NIPAL2: variants seen among roughly 807,000 people sequenced by gnomAD.
NIPAL2 encodes the protein NIPA-like protein 2.
A neutral mutation model predicts 48.9 loss-of-function variants in NIPAL2; 43 were observed. That is an observed-to-expected ratio of 0.88 (90% confidence interval 0.69 to 1.13). The LOEUF (loss-of-function observed/expected upper bound fraction) is 1.13, where lower values mean the gene tolerates loss of function less well. NIPAL2 is among the 50% of genes most tolerant of loss of function. The pLI, the probability that NIPAL2 is intolerant of heterozygous loss-of-function variation, is 0.00. For missense variants in NIPAL2, 446 were observed against 461.4 expected (o/e 0.97, Z 0.31); for synonymous variants, 167 against 174.6 (o/e 0.96, Z 0.34).
rs1474776281 is a variant in NIPAL2 at position 98,263,486 on chromosome 8, G to A, written c.136-9399C>T. Among the ~76,000 whole-genome samples the A allele has an allele frequency of 2.7e-5, 4 of 150,646 alleles. No homozygotes were observed. The East Asian group carries it at 5.8e-4, about 22-fold the overall frequency. On this transcript the variant is annotated intron_variant, in intron 1 of 10. Transcript: ENST00000430223. ...CACAGAAATACAAACTACCATCAGA[G>A]AATACTACAAACACCTCTATGCAAA...
At chr8:98,270,226 G>A (rs923660961) in intron 1 of NIPAL2, among the ~76,000 whole-genome samples, 14 of 152,190 alleles carry the variant, frequency 9.2e-5, no homozygotes, top group African/African-American at 3.1e-4. Flanking sequence ...GGGTGAAATG[G>A]TAGTTCTAGT....
chr8:98,284,652 C>T (rs1003209843), intron 1 of NIPAL2, among the ~76,000 whole-genome samples: 3 of 151,932 alleles, frequency 2.0e-5, no homozygotes, highest in Non-Finnish European at 4.4e-5. Flanking sequence ...TGCAGACAGC[C>T]CCAAAACAGC....
chr8:98,289,388 A>T (rs2130921653), intron 1 of NIPAL2, among the ~76,000 whole-genome samples: 1 of 152,272 alleles, frequency 6.6e-6, no homozygotes, highest in South Asian at 2.1e-4. Flanking sequence ...CACATATACA[A>T]GTATATTAAA....
chr8:98,286,807 T>A, intron 1 of NIPAL2, among the ~76,000 whole-genome samples: 1 of 127,476 alleles, frequency 7.8e-6, no homozygotes, highest in Admixed American at 8.1e-5. Context: ...AGAGTGAGAC[T>A]CTGTCAAAAA....
At chr8:98,259,070 C>CTTT (rs869220202) in intron 1 of NIPAL2, among the ~76,000 whole-genome samples, 34 of 41,854 alleles carry the variant, frequency 8.1e-4, no homozygotes, top group African/African-American at 2.4e-3. Flanking sequence ...TTAAATATTC[C>CTTT]TTTTTTTTTT....
intron 3 of NIPAL2, among the ~76,000 whole-genome samples, chr8:98,247,382 G>T (rs1308955200): frequency 6.6e-6 from 1 of 152,218 alleles, no homozygotes; most frequent in Non-Finnish European, 1.5e-5. Flanking sequence ...TCAGTTAAAT[G>T]GTGAGGAAGG....
rs190877091 is a variant in NIPAL2 at position 98,201,160 on chromosome 8, G to T, written c.880+1948C>A. Among the ~76,000 whole-genome samples the T allele has an allele frequency of 2.3e-3, 357 of 152,258 alleles. 3 individuals are homozygous for T. The highest frequency in any genetic ancestry group is 8.0e-3 in the African/African-American group (333 of 41,558). Reference sequence around the variant, plus strand: ...ACAAACAAAACTTGACTAATTAGTAGGCAAAATACGGTCTCATCTTAATTG... The same window carrying T: ...ACAAACAAAACTTGACTAATTAGTATGCAAAATACGGTCTCATCTTAATTG... On this transcript the variant is annotated intron_variant, in intron 8 of 10. Coordinates refer to ENST00000430223, the MANE Select transcript of NIPAL2 (RefSeq NM_001321635.2).
chr8:98,192,941 T>G lies in NIPAL2; in HGVS notation c.*37A>C. ...CATGTGCAATTTTTTAAAAAGGTGG[T>G]ATCGAATAACAGGCCAACAGCCATC... On this transcript the variant is annotated 3_prime_UTR_variant, in exon 11 of 11. Transcript: ENST00000430223. 1 of 1,286,374 alleles carries G rather than the reference T, an allele frequency of 7.8e-7. No homozygotes were observed. The highest frequency in any genetic ancestry group is 1.1e-6 in the Non-Finnish European group (1 of 884,090). 79.7% of individuals were successfully genotyped at this position (1,286,374 alleles called of 1,614,324 possible).
intron 1 of NIPAL2, among the ~76,000 whole-genome samples, chr8:98,288,770 A>G (rs557392350): frequency 6.6e-6 from 1 of 152,342 alleles, no homozygotes; most frequent in East Asian, 1.9e-4. Context: ...GTGGTATTAC[A>G]TAGACAACTG....
intron 3 of NIPAL2, among the ~76,000 whole-genome samples, chr8:98,240,439 C>G (rs1258093770): frequency 6.6e-6 from 1 of 152,176 alleles, no homozygotes; most frequent in Non-Finnish European, 1.5e-5. Context: ...CCAGCCAAAA[C>G]TCACTGCCCA....
At position 98,229,580 on chromosome 8, in the gene NIPAL2, G is replaced by A. The variant is rs189854121; in HGVS notation, c.436+6575C>T. Among the ~76,000 whole-genome samples, 417 of 152,230 alleles carry A rather than the reference G, an allele frequency of 2.7e-3. 4 individuals are homozygous for A. Among genetic ancestry groups the A allele is most frequent in the African/African-American group, 9.4e-3 (391 of 41,534 alleles). ...TTTTGCAGAGATAGGGTCTGGCCATGTTGTCCAGGCTGGTCTCGAACTCCT... is the reference window on the plus strand; with the variant it reads ...TTTTGCAGAGATAGGGTCTGGCCATATTGTCCAGGCTGGTCTCGAACTCCT... On this transcript the variant is annotated intron_variant, in intron 4 of 10. Coordinates refer to ENST00000430223, the MANE Select transcript of NIPAL2 (RefSeq NM_001321635.2).
chr8:98,195,805 T>C, intron 9 of NIPAL2, 137 bp downstream of exon 9: 2 of 599,132 alleles, frequency 3.3e-6, no homozygotes, highest in Non-Finnish European at 5.8e-6. Context: ...AGTTAAAAAA[T>C]ATGTTTCTTT....
At chr8:98,265,509 T>C (rs13267409) in intron 1 of NIPAL2, among the ~76,000 whole-genome samples, 101,053 of 110,530 alleles carry the variant, frequency 0.91, 46,575 homozygotes, top group Non-Finnish European at 0.95. Flanking sequence ...GACATTTGTG[T>C]AGCCAAAAAA....
In NIPAL2 at chr8:98,213,849, C is replaced by T. The variant is rs553570949; in HGVS notation, c.559-1348G>A. Among the ~76,000 whole-genome samples the T allele has an allele frequency of 2.2e-4, 33 of 152,220 alleles. 1 individual carries two copies. The East Asian group carries it at 2.3e-3, about 11-fold the overall frequency. On this transcript the variant is annotated intron_variant, in intron 5 of 10. Coordinates refer to ENST00000430223, the MANE Select transcript of NIPAL2 (RefSeq NM_001321635.2). ...TTCAGGTTGCTGTGGAGCATTTTGC[C>T]GTCATCATTTCTTGTTCATATGTTT...
At chr8:98,260,660 G>A (rs1388518480) in intron 1 of NIPAL2, among the ~76,000 whole-genome samples, 2 of 152,200 alleles carry the variant, frequency 1.3e-5, no homozygotes, top group East Asian at 1.9e-4. Flanking sequence ...TGCTAGCACA[G>A]CAGTCTGAGA....
intron 4 of NIPAL2, among the ~76,000 whole-genome samples, chr8:98,234,587 G>T (rs868768685): frequency 2.2e-4 from 33 of 152,052 alleles, no homozygotes; most frequent in Middle Eastern, 6.8e-3. Flanking sequence ...CACTCCGGTT[G>T]CCCAGGCTGG....
At chr8:98,216,304 G>A (rs1423974358) in intron 5 of NIPAL2, among the ~76,000 whole-genome samples, 1 of 152,182 alleles carries the variant, frequency 6.6e-6, no homozygotes, top group East Asian at 1.9e-4. Flanking sequence ...GCCTTCTCCA[G>A]CCTCAACTTC....
At position 98,236,155 on chromosome 8, in the gene NIPAL2, C is replaced by T. The variant is rs200008499; in HGVS notation, c.436G>A (p.Gly146Ser). 74 of 1,568,290 alleles carry T rather than the reference C, an allele frequency of 4.7e-5. No individual in the cohort carries two copies. The African/African-American group carries it at 6.3e-4, about 13-fold the overall frequency. ...TTACATGAATTAAATAATTACTTAC[C>T]GAGTAAGTCTGAGGCTCTCAAATTG... The part of the protein sequence containing the change: ...KDNLRASDLL[G>S]TTLAFAGTYL... The change falls in exon 4 of 11, where the codon GGT (glycine) becomes AGT (serine). Residue 146 changes from glycine (G) to serine (S), a missense_variant and splice_region_variant. Transcript: ENST00000430223.
intron 3 of NIPAL2, among the ~76,000 whole-genome samples, chr8:98,242,254 G>A (rs1051495583): frequency 6.8e-6 from 1 of 147,944 alleles, no homozygotes; most frequent in Non-Finnish European, 1.5e-5. Context: ...ACCATGGCTC[G>A]CTGCAGCCTC....
Sources: allele counts gnomAD v4.1 joint callset (sites outside exome capture counted in the v4.1 genomes callset), GRCh38; gene constraint gnomAD v4.1.1; transcripts MANE v1.5; gene names NCBI Gene and HGNC (gene_info 2026-07-23, HGNC 2026-07-21).